Variants in AGBL1 observed in about 807,000 individuals in gnomAD.
AGBL1 encodes the protein AGBL carboxypeptidase 1.
In AGBL1, 130 loss-of-function variants were observed where a neutral mutation model predicts 118.9. That is an observed-to-expected ratio of 1.09 (90% CI 0.95 to 1.26). The LOEUF (loss-of-function observed/expected upper bound fraction) is 1.26. Among genes scored for constraint, AGBL1 ranks in the 50% most tolerant of loss-of-function variants. AGBL1 has a pLI of 0.00. For missense variants in AGBL1, 1,584 were observed against 1,298.1 expected (o/e 1.22, Z -3.38); for synonymous variants, 555 against 478.9 (o/e 1.16, Z -2.08).
intron 18 of AGBL1, among the ~76,000 whole-genome samples, chr15:86,478,568 C>T (rs538013438): frequency 3.3e-5 from 5 of 152,130 alleles, no homozygotes; most frequent in African/African-American, 1.2e-4. Context: ...AACCACTGCT[C>T]AACAAAATAA....
intron 22 of AGBL1, among the ~76,000 whole-genome samples, chr15:86,870,091 C>G (rs752906256): frequency 1.3e-5 from 2 of 152,114 alleles, no homozygotes; most frequent in Non-Finnish European, 2.9e-5. Flanking sequence ...TATTCTAACA[C>G]ACAGATAACC....
chr15:86,984,530 T>C (rs1391542317), intron 23 of AGBL1, among the ~76,000 whole-genome samples: 2 of 151,976 alleles, frequency 1.3e-5, no homozygotes, highest in African/African-American at 4.8e-5. Context: ...CGTATCTGGC[T>C]AATTTTTGTA....
intron 1 of AGBL1, among the ~76,000 whole-genome samples, chr15:86,132,254 G>C (rs1005844200): frequency 2.0e-5 from 3 of 152,156 alleles, no homozygotes; most frequent in Non-Finnish European, 4.4e-5. Flanking sequence ...CATCTCCCCA[G>C]TGTTTTTGGA....
chr15:86,468,134 T>C (rs897372332), intron 18 of AGBL1, among the ~76,000 whole-genome samples: 6 of 152,142 alleles, frequency 3.9e-5, no homozygotes, highest in Non-Finnish European at 7.4e-5. Flanking sequence ...ACTTCCTACC[T>C]GCAGATACTT....
At chr15:86,242,222 C>G (rs1425665685) in intron 6 of AGBL1, among the ~76,000 whole-genome samples, 1 of 151,886 alleles carries the variant, frequency 6.6e-6, no homozygotes. Flanking sequence ...TTATTAGCAG[C>G]ATGAGAACAG....
intron 22 of AGBL1, among the ~76,000 whole-genome samples, chr15:86,879,039 G>A (rs899695529): frequency 5.3e-5 from 8 of 152,224 alleles, no homozygotes; most frequent in South Asian, 2.1e-4. Flanking sequence ...AAGAGGGGGC[G>A]AAAGCCTTTT....
At chr15:86,817,020 A>G (rs2078866378) in intron 22 of AGBL1, among the ~76,000 whole-genome samples, 1 of 152,094 alleles carries the variant, frequency 6.6e-6, no homozygotes, top group African/African-American at 2.4e-5. Context: ...AGACCTCTTA[A>G]GCCTAAAACA....
chr15:86,472,361 A>T (rs1252807367), intron 18 of AGBL1, among the ~76,000 whole-genome samples: 1 of 152,156 alleles, frequency 6.6e-6, no homozygotes, highest in Non-Finnish European at 1.5e-5. Context: ...TTAGGCTAAG[A>T]TATCCTCTCC....
At chr15:86,716,861 T>G (rs2086646723) in intron 22 of AGBL1, among the ~76,000 whole-genome samples, 1 of 152,194 alleles carries the variant, frequency 6.6e-6, no homozygotes. Flanking sequence ...GGTTCTAGGG[T>G]TGACTCTAAG....
rs756656346 is a variant in AGBL1, at chr15:86,264,518, A to G, written c.1347A>G (p.Arg449=). Reference sequence around the variant, plus strand: ...ATGTGCAATCCAATAGTCTCAGGAGAGATTCTTCTGAAAGTGAAATCCCTG... The same window carrying G: ...ATGTGCAATCCAATAGTCTCAGGAGGGATTCTTCTGAAAGTGAAATCCCTG... The part of the protein sequence containing the change: ...YQNVQSNSLR[R]DSSESEIPDI... Residue 449 remains arginine (R), a synonymous_variant, in exon 11 of 23, where the codon AGA becomes AGG. Coordinates refer to ENST00000614907, the MANE Select transcript of AGBL1 (RefSeq NM_001386094.1). The G allele has an allele frequency of 2.5e-6, 4 of 1,614,030 alleles. No homozygotes were observed. Among genetic ancestry groups the G allele is most frequent in the Non-Finnish European group, 3.4e-6 (4 of 1,179,898 alleles).
At chr15:86,335,109 A>G (rs1337677125) in intron 17 of AGBL1, among the ~76,000 whole-genome samples, 2 of 152,010 alleles carry the variant, frequency 1.3e-5, no homozygotes, top group African/African-American at 4.8e-5. Context: ...CCACAGAAGA[A>G]AGACTGAGAG....
intron 16 of AGBL1, among the ~76,000 whole-genome samples, chr15:86,281,427 T>G (rs1290461453): frequency 1.3e-5 from 2 of 152,114 alleles, no homozygotes; most frequent in Non-Finnish European, 2.9e-5. Flanking sequence ...AAAAAAAGTC[T>G]GCTAGGGATG....
At chr15:86,819,585 G>A (rs1016233215) in intron 22 of AGBL1, among the ~76,000 whole-genome samples, 6 of 152,046 alleles carry the variant, frequency 3.9e-5, no homozygotes, top group Non-Finnish European at 7.4e-5. Context: ...CAACTTACAA[G>A]GGATGTGAAG....
At chr15:87,029,019 C>T in exon 25 of AGBL1, 2 of 593,452 alleles carry the variant, frequency 3.4e-6, no homozygotes, top group Non-Finnish European at 2.8e-6. Context: ...AACATAAGGA[C>T]AGGCAATCTT....
intron 21 of AGBL1, among the ~76,000 whole-genome samples, chr15:86,617,274 C>T (rs150642346): frequency 5.9e-5 from 9 of 152,230 alleles, no homozygotes; most frequent in East Asian, 5.8e-4. Flanking sequence ...ATTTCAGAGT[C>T]GATAGCCAAC....
At chr15:86,388,443 C>A (rs2081229316) in intron 17 of AGBL1, among the ~76,000 whole-genome samples, 1 of 152,072 alleles carries the variant, frequency 6.6e-6, no homozygotes, top group South Asian at 2.1e-4. Context: ...TTTCATCTAC[C>A]CTGTTTCACA....
intron 21 of AGBL1, among the ~76,000 whole-genome samples, chr15:86,650,100 T>C (rs2085345569): frequency 6.6e-6 from 1 of 152,198 alleles, no homozygotes; most frequent in East Asian, 1.9e-4. Flanking sequence ...ATATATCTAG[T>C]TCTTTTTGTG....
intron 24 of AGBL1, among the ~76,000 whole-genome samples, chr15:87,001,189 C>G (rs1386598950): frequency 6.7e-6 from 1 of 148,806 alleles, no homozygotes; most frequent in Non-Finnish European, 1.5e-5. Context: ...GACAATTTGA[C>G]TTCCTCTTTT....
At chr15:86,231,119 A>G (rs913105804) in intron 6 of AGBL1, among the ~76,000 whole-genome samples, 11 of 152,196 alleles carry the variant, frequency 7.2e-5, no homozygotes, top group Non-Finnish European at 1.0e-4. Flanking sequence ...AGAACTAACC[A>G]TACTGTAATT....
Sources: allele counts gnomAD v4.1 joint callset (sites outside exome capture counted in the v4.1 genomes callset), GRCh38; gene constraint gnomAD v4.1.1; transcripts MANE v1.5; gene names NCBI Gene and HGNC (gene_info 2026-07-23, HGNC 2026-07-21).